The following NTN4 variants were observed in gnomAD, a reference collection of about 807,000 sequenced individuals.
NTN4 encodes the protein netrin 4, also known as netrin-4.
Under a neutral mutation model 73.6 loss-of-function variants are expected in NTN4, and 32 were observed. The observed-to-expected ratio is 0.44, with a 90% CI of 0.33 to 0.58. The LOEUF (loss-of-function observed/expected upper bound fraction) is 0.58, where lower values mean the gene tolerates loss of function less well. Among genes scored for constraint, NTN4 ranks in the 20% least tolerant of loss-of-function variants. The pLI is 0.04. For synonymous variants in NTN4, 258 were observed against 287.5 expected, an observed-to-expected ratio of 0.90 and a Z score of 1.04; for missense variants, 654 against 798.3, an observed-to-expected ratio of 0.82 and a Z score of 2.18.
chr12:95,694,330 C>T (rs1484668221), intron 5 of NTN4, among the ~76,000 whole-genome samples: 1 of 152,086 alleles, frequency 6.6e-6, no homozygotes, highest in Non-Finnish European at 1.5e-5. Flanking sequence ...GCGGCCACTC[C>T]CTCCGCGCGG....
At chr12:95,776,402 A>G (rs993931381) in intron 2 of NTN4, among the ~76,000 whole-genome samples, 3 of 152,214 alleles carry the variant, frequency 2.0e-5, no homozygotes, top group Admixed American at 6.5e-5. Flanking sequence ...CAAAGAAGTT[A>G]AAAACCTTGG....
At chr12:95,776,390 C>T (rs149660843) in intron 2 of NTN4, among the ~76,000 whole-genome samples, 1 of 152,094 alleles carries the variant, frequency 6.6e-6, no homozygotes, top group Non-Finnish European at 1.5e-5. Flanking sequence ...TCGAACCCAT[C>T]GCAAAGAAGT....
chr12:95,678,025 T>C (rs762854107), intron 7 of NTN4, among the ~76,000 whole-genome samples: 117 of 152,324 alleles, frequency 7.7e-4, no homozygotes, highest in Admixed American at 1.2e-3. Flanking sequence ...GATGAGTTCA[T>C]GTCCTTTGCA....
At chr12:95,749,394 G>C (rs367682263) in intron 2 of NTN4, among the ~76,000 whole-genome samples, 1 of 152,108 alleles carries the variant, frequency 6.6e-6, no homozygotes, top group African/African-American at 2.4e-5. Flanking sequence ...TCCTCAGACC[G>C]ACCAGCCCAA....
In NTN4 at chr12:95,721,013, G is replaced by T. The variant is rs182872996; in HGVS notation, c.865-7675C>A. Among the ~76,000 whole-genome samples the T allele has an allele frequency of 1.4e-3, 212 of 152,228 alleles. 1 individual carries two copies. The highest frequency in any genetic ancestry group is 2.8e-3 in the Admixed American group (43 of 15,282). On this transcript the variant is annotated intron_variant, in intron 3 of 9. Coordinates refer to ENST00000343702, the MANE Select transcript of NTN4 (RefSeq NM_021229.4). ...AAAGGCCCAAAGAGTTTAAGTAATCGGCCCAAGGCCACAAAGCCAATAAGT... is the reference window on the plus strand; with the variant it reads ...AAAGGCCCAAAGAGTTTAAGTAATCTGCCCAAGGCCACAAAGCCAATAAGT...
At chr12:95,721,008 T>C (rs1237787866) in intron 3 of NTN4, among the ~76,000 whole-genome samples, 2 of 152,182 alleles carry the variant, frequency 1.3e-5, no homozygotes, top group African/African-American at 4.8e-5. Context: ...AGAGTTTAAG[T>C]AATCGGCCCA....
At chr12:95,766,294 C>T (rs2079021014) in intron 2 of NTN4, among the ~76,000 whole-genome samples, 1 of 152,160 alleles carries the variant, frequency 6.6e-6, no homozygotes, top group Admixed American at 6.5e-5. Context: ...CTATTGGAGT[C>T]GTTGGATGTA....
chr12:95,781,969 T>A lies in NTN4; in HGVS notation c.585+4970A>T, dbSNP rs1353275561. ...GCCACCTGGAATGGGATCTGACACA[T>A]AGTAGCTTGAAAATTATTTGAATAA... On this transcript the variant is annotated intron_variant, in intron 2 of 9. Transcript: ENST00000343702. This position sits in a 1 kb window ranked among gnomAD's most constrained non-coding sequence, Gnocchi z 4.1. 6.6e-6 allele frequency among the ~76,000 whole-genome samples: 1 copy of A among 152,182 alleles called. No individual in the cohort carries two copies. The highest frequency in any genetic ancestry group is 2.4e-5 in the African/African-American group (1 of 41,434).
intron 7 of NTN4, chr12:95,672,654 G>A (rs545974429): frequency 6.7e-7 from 1 of 1,501,636 alleles, no homozygotes; most frequent in East Asian, 2.3e-5. Context: ...ATCTGGAGGT[G>A]CTCCTATGAT....
At chr12:95,719,603 C>T (rs996738600) in intron 3 of NTN4, among the ~76,000 whole-genome samples, 4 of 152,154 alleles carry the variant, frequency 2.6e-5, no homozygotes, top group Admixed American at 6.5e-5. Context: ...CCTGTTAGAA[C>T]CTGCTGCTCT....
intron 2 of NTN4, among the ~76,000 whole-genome samples, chr12:95,755,321 A>G (rs1053125499): frequency 1.3e-5 from 2 of 152,200 alleles, no homozygotes; most frequent in Non-Finnish European, 2.9e-5. Context: ...TTCTGCTTCC[A>G]TGGATAGGTG....
chr12:95,784,864 T>C (rs2079156597), intron 2 of NTN4, among the ~76,000 whole-genome samples: 1 of 152,224 alleles, frequency 6.6e-6, no homozygotes, highest in Admixed American at 6.5e-5. Flanking sequence ...ACATAAATGT[T>C]AGTCTCTATC....
intron 3 of NTN4, among the ~76,000 whole-genome samples, chr12:95,733,594 T>A (rs1160120361): frequency 6.6e-6 from 1 of 152,170 alleles, no homozygotes; most frequent in Admixed American, 6.5e-5. Context: ...ACCAAGTAAC[T>A]TAGTAAGTGC....
chr12:95,668,383 C>G (rs2078199391), intron 8 of NTN4, among the ~76,000 whole-genome samples: 2 of 152,172 alleles, frequency 1.3e-5, no homozygotes, highest in African/African-American at 4.8e-5. Context: ...AATGAACTGA[C>G]TTTGAACTAA....
chr12:95,704,876 G>T (rs1219090840), intron 5 of NTN4, among the ~76,000 whole-genome samples: 1 of 152,184 alleles, frequency 6.6e-6, no homozygotes, highest in Non-Finnish European at 1.5e-5. Context: ...GAGAGGGAAA[G>T]AAAGAAATAC....
chr12:95,784,022 A>G (rs2079149969), intron 2 of NTN4, among the ~76,000 whole-genome samples: 1 of 152,242 alleles, frequency 6.6e-6, no homozygotes, highest in Non-Finnish European at 1.5e-5. Context: ...TGTTAGCCTA[A>G]TTAATAGGAT....
intron 9 of NTN4, among the ~76,000 whole-genome samples, chr12:95,660,699 T>A (rs912597979): frequency 1.3e-5 from 2 of 152,188 alleles, no homozygotes; most frequent in Non-Finnish European, 2.9e-5. Flanking sequence ...TAATTATGTT[T>A]ATAAAATAAA....
chr12:95,675,556 A>G (rs1315328052), intron 7 of NTN4, among the ~76,000 whole-genome samples: 1 of 152,224 alleles, frequency 6.6e-6, no homozygotes, highest in African/African-American at 2.4e-5. Flanking sequence ...CCTCAGCTCC[A>G]AGCACATAGC....
intron 2 of NTN4, among the ~76,000 whole-genome samples, chr12:95,754,487 T>A (rs1411491251): frequency 1.3e-5 from 2 of 152,170 alleles, no homozygotes; most frequent in Admixed American, 6.5e-5. Flanking sequence ...AGCCAAGCCA[T>A]CGCATCCCCT....
Sources: allele counts gnomAD v4.1 joint callset (sites outside exome capture counted in the v4.1 genomes callset), GRCh38; gene constraint gnomAD v4.1.1; non-coding constraint Gnocchi (gnomAD v3.1); transcripts MANE v1.5; gene names NCBI Gene and HGNC (gene_info 2026-07-23, HGNC 2026-07-21).